Variants in GABRB1 observed in about 807,000 individuals in gnomAD.
GABRB1 encodes gamma-aminobutyric acid receptor subunit beta-1.
In GABRB1, 17 loss-of-function variants were observed where a neutral mutation model predicts 51.6. The ratio of observed to expected loss-of-function variants is 0.33; its 90% CI spans 0.23 to 0.49. The LOEUF is 0.49. Among genes scored for constraint, GABRB1 ranks in the 20% least tolerant of loss-of-function variants. GABRB1 has a pLI of 0.99. For synonymous variants in GABRB1, 247 were observed against 218.9 expected, an observed-to-expected ratio of 1.13 and a Z score of -1.14; for missense variants, 410 against 600.6, an observed-to-expected ratio of 0.68 and a Z score of 3.32.
At chr4:47,146,437 A>T (rs1040462069) in intron 3 of GABRB1, among the ~76,000 whole-genome samples, 6 of 152,032 alleles carry the variant, frequency 3.9e-5, no homozygotes, top group Non-Finnish European at 4.4e-5. Context: ...GGAAATTGAT[A>T]AAATATGAAA....
intron 4 of GABRB1, among the ~76,000 whole-genome samples, chr4:47,227,191 T>G (rs929841966): frequency 9.9e-5 from 15 of 152,168 alleles, no homozygotes; most frequent in Non-Finnish European, 1.9e-4. Flanking sequence ...ATGTGTCATT[T>G]AGGGAAGGCA....
intron 4 of GABRB1, among the ~76,000 whole-genome samples, chr4:47,276,251 A>G (rs549407878): frequency 1.3e-4 from 20 of 152,266 alleles, no homozygotes; most frequent in Middle Eastern, 6.8e-3. Flanking sequence ...ATTAAATGTT[A>G]AGGAATAAAG....
At chr4:47,004,099 C>T (rs1300527755) in intron 1 of GABRB1, among the ~76,000 whole-genome samples, 1 of 152,108 alleles carries the variant, frequency 6.6e-6, no homozygotes, top group Non-Finnish European at 1.5e-5. Flanking sequence ...AGCGGTTCCC[C>T]TGCCTCAGCC....
chr4:47,299,613 G>C (rs1578075911), intron 4 of GABRB1, among the ~76,000 whole-genome samples: 1 of 152,226 alleles, frequency 6.6e-6, no homozygotes, highest in East Asian at 1.9e-4. Flanking sequence ...AGGATGTGGA[G>C]AAATAGGAAC....
intron 3 of GABRB1, among the ~76,000 whole-genome samples, chr4:47,076,801 C>G (rs1727572639): frequency 6.6e-6 from 1 of 152,182 alleles, no homozygotes; most frequent in African/African-American, 2.4e-5. Flanking sequence ...CCCAACAGAT[C>G]TCTGTGTCTC....
At chr4:47,241,744 AC>A (rs1315420571) in intron 4 of GABRB1, among the ~76,000 whole-genome samples, 4 of 152,210 alleles carry the variant, frequency 2.6e-5, no homozygotes, top group Non-Finnish European at 4.4e-5. Flanking sequence ...TTAATGTTTA[AC>A]AAAGGTCTTG....
intron 5 of GABRB1, among the ~76,000 whole-genome samples, chr4:47,338,986 TAA>T: frequency 6.6e-6 from 1 of 152,140 alleles, no homozygotes; most frequent in Non-Finnish European, 1.5e-5. Flanking sequence ...AACAGAATGC[TAA>T]AAAAACTTGG....
At chr4:47,327,576 G>C (rs1302052709) in intron 5 of GABRB1, among the ~76,000 whole-genome samples, 2 of 152,092 alleles carry the variant, frequency 1.3e-5, no homozygotes, top group Non-Finnish European at 2.9e-5. Flanking sequence ...GTAACACTTA[G>C]TGACACCTGG....
At chr4:47,247,851 T>C (rs911396792) in intron 4 of GABRB1, among the ~76,000 whole-genome samples, 2 of 152,090 alleles carry the variant, frequency 1.3e-5, no homozygotes, top group Admixed American at 6.6e-5. Context: ...GAGCTACTGA[T>C]TTGTGTACAT....
chr4:47,360,251 G>A (rs1245685257), intron 5 of GABRB1, among the ~76,000 whole-genome samples: 1 of 151,850 alleles, frequency 6.6e-6, no homozygotes, highest in African/African-American at 2.4e-5. Context: ...AAAATTTGAA[G>A]AATACAGAGA....
intron 3 of GABRB1, among the ~76,000 whole-genome samples, chr4:47,092,760 C>T (rs182178569): frequency 7.2e-5 from 11 of 151,886 alleles, no homozygotes; most frequent in Admixed American, 2.0e-4. Flanking sequence ...TACAGGTGCC[C>T]GCCACCACAC....
Position 47,355,836 on chromosome 4 carries a change from G to A in GABRB1, c.544+35627G>A, listed in dbSNP as rs530757576. Among the ~76,000 whole-genome samples, 5 of 152,268 alleles carry A rather than the reference G, an allele frequency of 3.3e-5. No homozygotes were observed. The South Asian group carries it at 6.2e-4, about 19-fold the overall frequency. On this transcript the variant is annotated intron_variant, in intron 5 of 8. Transcript: ENST00000295454. The stretch of plus-strand genomic sequence containing the variant: ...GAGTCACAAGATGGACTTTTCCTGA[G>A]AGGCTGTAGAACAGGGGTGAGTTTG...
At chr4:47,254,419 GGCTCGAGTGCAGTGGC>G (rs1384879644) in intron 4 of GABRB1, among the ~76,000 whole-genome samples, 1 of 121,492 alleles carries the variant, frequency 8.2e-6, no homozygotes, top group Non-Finnish European at 1.6e-5. Context: ...CTGTTGCCCA[GGCTCGAGTGCAGTGGC>G]GCTCACTGCA....
chr4:47,416,127 C>T (rs951392485), intron 8 of GABRB1, among the ~76,000 whole-genome samples: 16 of 152,136 alleles, frequency 1.1e-4, no homozygotes, highest in African/African-American at 3.1e-4. Context: ...TGGCAGATGA[C>T]GATAATTATA....
At chr4:47,297,604 T>C (rs1486924855) in intron 4 of GABRB1, among the ~76,000 whole-genome samples, 4 of 152,098 alleles carry the variant, frequency 2.6e-5, no homozygotes, top group Non-Finnish European at 5.9e-5. Flanking sequence ...TCTGAAATTG[T>C]GGTAATAATC....
intron 3 of GABRB1, among the ~76,000 whole-genome samples, chr4:47,100,504 A>G (rs1714675820): frequency 6.6e-6 from 1 of 152,076 alleles, no homozygotes; most frequent in East Asian, 1.9e-4. Context: ...CTTATATTTA[A>G]GTTGTGGTGC....
chr4:47,185,290 T>A (rs886252717), intron 4 of GABRB1, among the ~76,000 whole-genome samples: 20 of 151,892 alleles, frequency 1.3e-4, no homozygotes, highest in African/African-American at 4.6e-4. Context: ...AAAAGGCCAC[T>A]GGAAAATTCT....
At chr4:47,394,827 A>G (rs1728126941) in intron 5 of GABRB1, among the ~76,000 whole-genome samples, 1 of 151,604 alleles carries the variant, frequency 6.6e-6, no homozygotes, top group East Asian at 1.9e-4. Context: ...TCTCATGGGC[A>G]TGGTGAATTC....
chr4:47,291,829 A>C lies in GABRB1; in HGVS notation c.462-28298A>C, dbSNP rs893806821. On this transcript the variant is annotated intron_variant, in intron 4 of 8. Transcript: ENST00000295454. ...TATTTATCCAATGCCTGTACCCCCC[A>C]CTGTATCTAGGAAATAACTAACCTG... is the stretch of plus-strand genomic sequence containing the variant. Among the ~76,000 whole-genome samples, 16 of 151,966 alleles carry C rather than the reference A, an allele frequency of 1.1e-4. 1 individual carries two copies. Among genetic ancestry groups the C allele is most frequent in the Admixed American group, 9.8e-4 (15 of 15,250 alleles).
Sources: allele counts gnomAD v4.1 joint callset (sites outside exome capture counted in the v4.1 genomes callset), GRCh38; gene constraint gnomAD v4.1.1; transcripts MANE v1.5; gene names NCBI Gene and HGNC (gene_info 2026-07-23, HGNC 2026-07-21).